The following FIRRM variants were observed in gnomAD, a reference collection of about 807,000 sequenced individuals.
FIRRM encodes the protein FIGNL1 interacting regulator of recombination and mitosis, also known as FIGNL1-interacting regulator of recombination and mitosis.
the FIRRM span, among the ~76,000 whole-genome samples, chr1:169,786,583 C>A: frequency 2.0e-5 from 3 of 152,066 alleles, no homozygotes; most frequent in African/African-American, 7.2e-5. Context: ...AAAAAAATGC[C>A]CACACACTGA....
chr1:169,784,016 G>A, the FIRRM span: 1 of 152,530 alleles, frequency 6.6e-6, no homozygotes, highest in South Asian at 2.1e-4. Context: ...GAACTCCTTG[G>A]CTAGAGAGAT....
At chr1:169,798,999 TA>T in the FIRRM span, 1 of 865,298 alleles carries the variant, frequency 1.2e-6, no homozygotes, top group Non-Finnish European at 1.8e-6. Flanking sequence ...ACTTTGATGT[TA>T]AGGTCCGAGT....
At chr1:169,802,774 G>C in the FIRRM span, 1 of 1,176,800 alleles carries the variant, frequency 8.5e-7, no homozygotes, top group African/African-American at 1.5e-5. Context: ...CTTAAAGAAT[G>C]TCAAAATTTT....
the FIRRM span, among the ~76,000 whole-genome samples, chr1:169,822,502 ATTTAT>A: frequency 2.0e-5 from 3 of 152,006 alleles, no homozygotes; most frequent in Non-Finnish European, 4.4e-5. Flanking sequence ...CAACTTTTCT[ATTTAT>A]TAATTTTTTT....
the FIRRM span, chr1:169,827,788 G>A: frequency 6.2e-7 from 1 of 1,614,100 alleles, no homozygotes; most frequent in South Asian, 1.1e-5. Context: ...TCAGCCTAAG[G>A]AAGTGCAAAC....
the FIRRM span, chr1:169,821,699 A>G: frequency 6.2e-7 from 1 of 1,611,332 alleles, no homozygotes. Flanking sequence ...ACTACAGATT[A>G]TTTCAGAAAA....
the FIRRM span, chr1:169,850,380 G>C: frequency 6.9e-7 from 1 of 1,453,644 alleles, no homozygotes; most frequent in Non-Finnish European, 9.5e-7. Flanking sequence ...TTTATTCTTT[G>C]TCCTATTTTT....
At chr1:169,848,450 GAGT>G in the FIRRM span, among the ~76,000 whole-genome samples, 1 of 152,148 alleles carries the variant, frequency 6.6e-6, no homozygotes, top group African/African-American at 2.4e-5. Flanking sequence ...AGACTATAAA[GAGT>G]TCACTAATGA....
chr1:169,849,698 C>A, the FIRRM span: 1 of 974,174 alleles, frequency 1.0e-6, no homozygotes, highest in Non-Finnish European at 1.6e-6. Flanking sequence ...TGAACTGCTT[C>A]TGTATTGCAA....
the FIRRM span, chr1:169,793,721 T>G: frequency 6.5e-7 from 1 of 1,530,298 alleles, no homozygotes; most frequent in Non-Finnish European, 8.8e-7. Context: ...ACACAATCTT[T>G]AAATTCAGAT....
chr1:169,786,571 T>TA, the FIRRM span, among the ~76,000 whole-genome samples: 166 of 152,092 alleles, frequency 1.1e-3, no homozygotes, highest in African/African-American at 3.5e-3. Context: ...ATTCTCCCTT[T>TA]AAAAAAAATG....
chr1:169,832,122 G>A, the FIRRM span, among the ~76,000 whole-genome samples: 1 of 152,134 alleles, frequency 6.6e-6, no homozygotes, highest in Non-Finnish European at 1.5e-5. Context: ...TACTATTGTA[G>A]TTAGATCTTA....
the FIRRM span, among the ~76,000 whole-genome samples, chr1:169,821,945 C>A: frequency 6.6e-6 from 1 of 151,712 alleles, no homozygotes; most frequent in African/African-American, 2.4e-5. Context: ...TATGGTTAGA[C>A]TATGTCTTAG....
the FIRRM span, chr1:169,802,688 A>G: frequency 6.2e-7 from 1 of 1,613,196 alleles, no homozygotes; most frequent in South Asian, 1.1e-5. Flanking sequence ...TCAAGCCAAA[A>G]TTTGGAAATC....
the FIRRM span, chr1:169,795,165 A>C: frequency 6.5e-7 from 1 of 1,536,112 alleles, no homozygotes; most frequent in Non-Finnish European, 8.7e-7. Flanking sequence ...GTAGCTGGCC[A>C]GAGGAGCTAT....
chr1:169,823,323 T>C, the FIRRM span: 2 of 702,876 alleles, frequency 2.8e-6, no homozygotes, highest in Non-Finnish European at 4.7e-6. Context: ...CAGGATTTTA[T>C]GTTATTTTGC....
the FIRRM span, among the ~76,000 whole-genome samples, chr1:169,846,456 T>C: frequency 2.0e-5 from 3 of 152,232 alleles, no homozygotes; most frequent in African/African-American, 7.2e-5. Context: ...TAGCATCTTC[T>C]TCCAATAGAA....
the FIRRM span, chr1:169,851,683 A>G: frequency 2.1e-6 from 2 of 965,154 alleles, no homozygotes; most frequent in Non-Finnish European, 3.1e-6. Flanking sequence ...AAGAGTATTT[A>G]TAGATCAGTC....
the FIRRM span, among the ~76,000 whole-genome samples, chr1:169,831,936 T>C: frequency 6.6e-6 from 1 of 152,166 alleles, no homozygotes; most frequent in African/African-American, 2.4e-5. Context: ...TTTAAAACTT[T>C]TTGTGGATAT....
Sources: allele counts gnomAD v4.1 joint callset (sites outside exome capture counted in the v4.1 genomes callset), GRCh38; gene constraint gnomAD v4.1.1; transcripts MANE v1.5; gene names NCBI Gene and HGNC (gene_info 2026-07-23, HGNC 2026-07-21).